MCF2L2: variants seen among roughly 807,000 people sequenced by gnomAD.
MCF2L2 encodes probable guanine nucleotide exchange factor MCF2L2.
A neutral mutation model predicts 150.2 loss-of-function variants in MCF2L2; 102 were observed. The observed-to-expected ratio is 0.68, with a 90% CI of 0.58 to 0.80. The LOEUF is 0.80. Ranked by LOEUF, MCF2L2 falls within the 30% of genes least tolerant of loss-of-function variation. MCF2L2 has a pLI of 0.00. For synonymous variants in MCF2L2, 465 were observed against 491.3 expected (o/e 0.95, Z 0.71); for missense variants, 1,256 against 1,372.8 (o/e 0.91, Z 1.34).
intron 3 of MCF2L2, among the ~76,000 whole-genome samples, chr3:183,353,895 T>C (rs1276008514): frequency 1.3e-5 from 2 of 152,210 alleles, no homozygotes; most frequent in African/African-American, 2.4e-5. Flanking sequence ...AGCTTCCACA[T>C]TTCAGATTCC....
intron 5 of MCF2L2, among the ~76,000 whole-genome samples, chr3:183,331,612 C>T (rs1234395971): frequency 6.6e-6 from 1 of 152,198 alleles, no homozygotes; most frequent in Non-Finnish European, 1.5e-5. Context: ...CCAATTTCCA[C>T]GATCATAGCC....
intron 21 of MCF2L2, among the ~76,000 whole-genome samples, chr3:183,216,574 ATATATATTTTTTTTTTTTTTT>A (rs1206352418): frequency 0.017 from 928 of 54,388 alleles, 54 homozygotes; most frequent in African/African-American, 0.075. Flanking sequence ...ATATATATAT[ATATATATTTTTTTTTTTTTTT>A]TTTTTTTTTT....
chr3:183,356,529 A>T (rs1477077696), intron 3 of MCF2L2, among the ~76,000 whole-genome samples: 2 of 152,098 alleles, frequency 1.3e-5, no homozygotes, highest in East Asian at 3.9e-4. Flanking sequence ...ATAAATAAAT[A>T]AAATAAAAGT....
At chr3:183,194,562 A>T (rs1722019799) in intron 26 of MCF2L2, among the ~76,000 whole-genome samples, 1 of 152,078 alleles carries the variant, frequency 6.6e-6, no homozygotes, top group African/African-American at 2.4e-5. Flanking sequence ...GCCTTGTGAA[A>T]ATAGGAATGG....
At chr3:183,211,752 A>G (rs533107579) in intron 22 of MCF2L2, among the ~76,000 whole-genome samples, 97 of 152,236 alleles carry the variant, frequency 6.4e-4, no homozygotes, top group Non-Finnish European at 1.0e-3. Context: ...ATTCCCTAGT[A>G]TTTATTTATT....
chr3:183,201,639 T>A (rs1722287638), intron 25 of MCF2L2, among the ~76,000 whole-genome samples: 1 of 152,220 alleles, frequency 6.6e-6, no homozygotes, highest in Non-Finnish European at 1.5e-5. Flanking sequence ...CTGATTGCCC[T>A]GGCCAGAACT....
intron 27 of MCF2L2, among the ~76,000 whole-genome samples, chr3:183,192,427 C>T (rs1053290226): frequency 1.3e-5 from 2 of 152,230 alleles, no homozygotes; most frequent in Non-Finnish European, 1.5e-5. Context: ...GCGTGAGCCA[C>T]CGTGCTTGGC....
chr3:183,336,574 G>A lies in MCF2L2; in HGVS notation c.486+2226C>T, dbSNP rs570076913. 7.2e-5 allele frequency among the ~76,000 whole-genome samples: 11 copies of A among 152,134 alleles called. No individual in the cohort carries two copies. The South Asian group carries it at 1.9e-3, about 26-fold the overall frequency. On this transcript the variant is annotated intron_variant, in intron 5 of 29. Transcript: ENST00000328913. ...ATCAAGATATGGAACCTAGCCGGGC[G>A]TGGTGGCTCCCACTTGTAATCCCAG... is the stretch of plus-strand genomic sequence containing the variant.
rs1008359847 is a variant in MCF2L2, at chr3:183,216,065, T to C, written c.2400A>G (p.Ala800=). ...KDGPKRTKDS[A]FSTELQQALA... ...AAGCTTGTTGTAGTTCAGTTGAGAA[T>C]GCTGAATCTTTGGTTCTCTTTGGCC... Residue 800 remains alanine (A), a synonymous_variant, in exon 22 of 30, where the codon GCA becomes GCG. Transcript: ENST00000328913. The C allele has an allele frequency of 5.0e-6, 8 of 1,613,828 alleles. No individual in the cohort carries two copies. Among genetic ancestry groups the C allele is most frequent in the Non-Finnish European group, 6.8e-6 (8 of 1,179,896 alleles).
In MCF2L2 at chr3:183,179,200, C is replaced by CT; in HGVS notation, c.*179dup. On this transcript the variant is annotated 3_prime_UTR_variant, in exon 30 of 30. Coordinates refer to ENST00000328913, the MANE Select transcript of MCF2L2 (RefSeq NM_015078.4). The surrounding 1 kb of genome is among the most constrained non-coding windows in gnomAD (Gnocchi z 4.2). The stretch of plus-strand genomic sequence containing the variant: ...CAGCTCCGAGGTCCCCCGTGCGGAG[C>CT]TAGGCGCGCACCCAGGACACCCCTC... 1 of 819,968 alleles carries CT rather than the reference C, an allele frequency of 1.2e-6. No homozygotes were observed. The highest frequency in any genetic ancestry group is 1.7e-6 in the Non-Finnish European group (1 of 588,598). 50.8% of individuals were successfully genotyped at this position (819,968 alleles called of 1,614,324 possible).
intron 2 of MCF2L2, 44 bp downstream of exon 2, chr3:183,389,652 C>T: frequency 6.7e-7 from 1 of 1,497,850 alleles, no homozygotes; most frequent in Non-Finnish European, 9.3e-7. Flanking sequence ...CCCATCAAGA[C>T]CCCCCCATCA....
At chr3:183,218,685 C>A (rs1170533515) in intron 21 of MCF2L2, among the ~76,000 whole-genome samples, 2 of 152,044 alleles carry the variant, frequency 1.3e-5, no homozygotes, top group Non-Finnish European at 2.9e-5. Context: ...TTATACCAGG[C>A]ATCTTCCTCC....
At chr3:183,219,793 C>T (rs565570685) in intron 21 of MCF2L2, 63 bp downstream of exon 21, 112 of 1,106,942 alleles carry the variant, frequency 1.0e-4, no homozygotes, top group East Asian at 1.0e-3. Context: ...ATAAATCCTC[C>T]GACCCATAGA....
At chr3:183,407,357 T>C (rs1450935035) in intron 1 of MCF2L2, among the ~76,000 whole-genome samples, 1 of 152,234 alleles carries the variant, frequency 6.6e-6, no homozygotes, top group Non-Finnish European at 1.5e-5. Flanking sequence ...TACTATAGTA[T>C]CTCTTTTAGC....
chr3:183,286,010 C>A (rs11916729), intron 14 of MCF2L2, among the ~76,000 whole-genome samples: 3,013 of 152,280 alleles, frequency 0.02, 59 homozygotes, highest in East Asian at 0.052. Context: ...CTTCCACCAC[C>A]GGGCTTTCCC....
intron 15 of MCF2L2, among the ~76,000 whole-genome samples, chr3:183,250,963 G>C (rs144079044): frequency 6.6e-6 from 1 of 152,194 alleles, no homozygotes; most frequent in Non-Finnish European, 1.5e-5. Flanking sequence ...CACTCCACCC[G>C]TCACTGCGAT....
At chr3:183,392,711 G>C (rs1363430360) in intron 1 of MCF2L2, among the ~76,000 whole-genome samples, 1 of 152,184 alleles carries the variant, frequency 6.6e-6, no homozygotes, top group East Asian at 1.9e-4. Context: ...GATGACTGCA[G>C]ATACACCCAG....
intron 2 of MCF2L2, among the ~76,000 whole-genome samples, chr3:183,381,895 G>C (rs1278673797): frequency 6.6e-6 from 1 of 152,114 alleles, no homozygotes; most frequent in Non-Finnish European, 1.5e-5. Context: ...TGTGCATTCA[G>C]AGAATTTGCG....
At chr3:183,294,639 T>A (rs1728377542) in intron 13 of MCF2L2, among the ~76,000 whole-genome samples, 1 of 147,124 alleles carries the variant, frequency 6.8e-6, no homozygotes, top group Non-Finnish European at 1.5e-5. Flanking sequence ...ATATATTTTT[T>A]TTTTTTTGAG....
Sources: gnomAD v4.1 joint callset for allele counts (sites outside exome capture counted in the v4.1 genomes callset) on GRCh38, gnomAD v4.1.1 for gene constraint, Gnocchi (gnomAD v3.1) non-coding constraint, MANE v1.5 for transcripts, NCBI Gene and HGNC (gene_info 2026-07-23, HGNC 2026-07-21) for gene names.